The following DIS3L2 variants were observed in gnomAD, a reference collection of about 807,000 sequenced individuals.
DIS3L2 encodes DIS3-like exonuclease 2.
In DIS3L2, 34 loss-of-function variants were observed where a neutral mutation model predicts 97.5. The observed-to-expected ratio is 0.35, with a 90% CI of 0.27 to 0.46. The LOEUF is 0.46. Ranked by LOEUF, DIS3L2 falls within the 20% of genes least tolerant of loss-of-function variation. The pLI, the probability that DIS3L2 is intolerant of heterozygous loss-of-function variation, is 1.00. For synonymous variants in DIS3L2, 435 were observed against 445.2 expected (o/e 0.98, Z 0.29); for missense variants, 1,038 against 1,146.0 (o/e 0.91, Z 1.36).
At chr2:232,138,506 G>T (rs1698422552) in intron 8 of DIS3L2, among the ~76,000 whole-genome samples, 1 of 152,166 alleles carries the variant, frequency 6.6e-6, no homozygotes, top group South Asian at 2.1e-4. Context: ...AACATGGTAG[G>T]TTTTCCTGAT....
intron 8 of DIS3L2, among the ~76,000 whole-genome samples, chr2:232,138,220 TTCA>T (rs1698413935): frequency 6.6e-6 from 1 of 152,176 alleles, no homozygotes; most frequent in Non-Finnish European, 1.5e-5. Context: ...GAGCCATTAC[TTCA>T]TCAGGAACCC....
At chr2:232,109,559 C>A (rs968190507) in intron 6 of DIS3L2, among the ~76,000 whole-genome samples, 7 of 152,014 alleles carry the variant, frequency 4.6e-5, no homozygotes, top group African/African-American at 1.7e-4. Flanking sequence ...AGTAGAGAAC[C>A]CAGAAATAAG....
chr2:232,304,330 G>C (rs1694934176), intron 14 of DIS3L2, among the ~76,000 whole-genome samples: 1 of 152,172 alleles, frequency 6.6e-6, no homozygotes, highest in African/African-American at 2.4e-5. Flanking sequence ...TGAGAATTCA[G>C]TTACACATTT....
intron 1 of DIS3L2, among the ~76,000 whole-genome samples, chr2:231,985,569 T>C (rs1015810901): frequency 6.6e-5 from 10 of 152,228 alleles, no homozygotes; most frequent in African/African-American, 1.7e-4. Context: ...CTGGAATAAA[T>C]GCTCATGAGT....
In DIS3L2 at chr2:231,961,963, C is replaced by G. The variant is rs543165067; in HGVS notation, c.-94+198C>G. Among the ~76,000 whole-genome samples the G allele has an allele frequency of 3.5e-3, 540 of 152,344 alleles. 2 individuals are homozygous for G. Among genetic ancestry groups the G allele is most frequent in the Middle Eastern group, 6.8e-3 (2 of 294 alleles). ...CCCTGTCCCGCATCTCCCTCAATGT[C>G]CCCAGCTCCCCACTCTCCGCTCCTG... On this transcript the variant is annotated intron_variant, in intron 1 of 20. Transcript: ENST00000325385.
intron 9 of DIS3L2, among the ~76,000 whole-genome samples, chr2:232,165,069 C>T (rs190125460): frequency 4.4e-4 from 67 of 152,272 alleles, no homozygotes; most frequent in Non-Finnish European, 4.0e-4. Context: ...AAACTCTACT[C>T]GAAGTGTACA....
intron 11 of DIS3L2, among the ~76,000 whole-genome samples, chr2:232,245,991 G>A (rs757992147): frequency 6.6e-6 from 1 of 152,262 alleles, no homozygotes; most frequent in Non-Finnish European, 1.5e-5. Flanking sequence ...AAGCCAGTCA[G>A]TTGTCTACAC....
chr2:232,191,025 C>G (rs1331249140), intron 9 of DIS3L2, among the ~76,000 whole-genome samples: 1 of 152,124 alleles, frequency 6.6e-6, no homozygotes, highest in Non-Finnish European at 1.5e-5. Flanking sequence ...TTTTCTTTGT[C>G]CTTTGGATAT....
At chr2:232,072,912 A>C (rs968300174) in intron 5 of DIS3L2, among the ~76,000 whole-genome samples, 1 of 151,854 alleles carries the variant, frequency 6.6e-6, no homozygotes, top group African/African-American at 2.4e-5. Flanking sequence ...TTTTGGGCTG[A>C]GTAATTGGAA....
intron 16 of DIS3L2, 104 bp from the exon 17 acceptor site, chr2:232,333,736 G>C: frequency 6.8e-7 from 1 of 1,466,252 alleles, no homozygotes; most frequent in Middle Eastern, 2.0e-4. Context: ...CATTAGGTCT[G>C]TCCACACATC....
intron 4 of DIS3L2, among the ~76,000 whole-genome samples, chr2:232,026,383 C>A (rs1031680459): frequency 6.6e-6 from 1 of 152,096 alleles, no homozygotes; most frequent in African/African-American, 2.4e-5. Flanking sequence ...TCTGGCTTGC[C>A]CCTCTTCCCT....
intron 9 of DIS3L2, among the ~76,000 whole-genome samples, chr2:232,163,857 A>G (rs930975102): frequency 2.0e-5 from 3 of 152,204 alleles, no homozygotes; most frequent in African/African-American, 7.2e-5. Flanking sequence ...ACATTTTTAA[A>G]TGGTTGGAAA....
intron 5 of DIS3L2, among the ~76,000 whole-genome samples, chr2:232,069,381 AAG>A (rs1185981089): frequency 6.6e-6 from 1 of 152,210 alleles, no homozygotes; most frequent in Non-Finnish European, 1.5e-5. Flanking sequence ...ATACCCATAG[AAG>A]TAGGCTTCTG....
At chr2:232,167,320 GAAAT>G (rs1408237696) in intron 9 of DIS3L2, among the ~76,000 whole-genome samples, 2 of 152,050 alleles carry the variant, frequency 1.3e-5, no homozygotes, top group East Asian at 1.9e-4. Flanking sequence ...AATGTAATGA[GAAAT>G]AAATTTTTAA....
In DIS3L2 at chr2:232,019,419, G is replaced by GC. The variant is rs531620921; in HGVS notation, c.210+3749dup. Reference sequence around the variant, plus strand: ...AAAAATCAGCCAGGCATGGTGATGTGCACCTGTATTCCTAGCTACTGGGAA... The same window carrying GC: ...AAAAATCAGCCAGGCATGGTGATGTGCCACCTGTATTCCTAGCTACTGGGAA... On this transcript the variant is annotated intron_variant, in intron 3 of 20. Transcript: ENST00000325385. Among the ~76,000 whole-genome samples, 322 of 152,144 alleles carry GC rather than the reference G, an allele frequency of 2.1e-3. 2 individuals carry two copies. The highest frequency in any genetic ancestry group is 4.4e-3 in the South Asian group (21 of 4,812).
At chr2:232,103,776 T>C (rs762418442) in intron 6 of DIS3L2, among the ~76,000 whole-genome samples, 13 of 152,224 alleles carry the variant, frequency 8.5e-5, no homozygotes, top group Non-Finnish European at 1.6e-4. Flanking sequence ...GAACTCATAC[T>C]TGAAACATGG....
intron 5 of DIS3L2, among the ~76,000 whole-genome samples, chr2:232,068,770 T>C (rs187347213): frequency 1.3e-5 from 2 of 152,178 alleles, no homozygotes; most frequent in African/African-American, 2.4e-5. Context: ...TTTTATTATA[T>C]ACTGTTTGAT....
At chr2:232,021,962 G>C (rs957533452) in intron 3 of DIS3L2, among the ~76,000 whole-genome samples, 1 of 152,144 alleles carries the variant, frequency 6.6e-6, no homozygotes, top group Non-Finnish European at 1.5e-5. Flanking sequence ...GATCCTCACT[G>C]ATCAAGTTTC....
intron 5 of DIS3L2, among the ~76,000 whole-genome samples, chr2:232,042,903 T>C (rs1695148901): frequency 6.6e-6 from 1 of 152,240 alleles, no homozygotes; most frequent in Non-Finnish European, 1.5e-5. Context: ...TTCTAAGTGC[T>C]TGAGAGATGT....
Sources: gnomAD v4.1 joint callset for allele counts (sites outside exome capture counted in the v4.1 genomes callset) on GRCh38, gnomAD v4.1.1 for gene constraint, MANE v1.5 for transcripts, NCBI Gene and HGNC (gene_info 2026-07-23, HGNC 2026-07-21) for gene names.